BCAM: variants seen among roughly 807,000 people sequenced by gnomAD.
BCAM encodes basal cell adhesion molecule.
In BCAM, 61 loss-of-function variants were observed where a neutral mutation model predicts 72.4. The ratio of observed to expected loss-of-function variants is 0.84; its 90% CI spans 0.69 to 1.04. BCAM has a LOEUF of 1.04. Ranked by LOEUF, BCAM falls within the 50% of genes least tolerant of loss-of-function variation. BCAM has a pLI of 0.00. For synonymous variants in BCAM, 408 were observed against 384.2 expected, an observed-to-expected ratio of 1.06 and a Z score of -0.73; for missense variants, 909 against 895.0, an observed-to-expected ratio of 1.02 and a Z score of -0.20.
chr19:44,813,305 G>T lies in BCAM; in HGVS notation c.560G>T (p.Arg187Leu), dbSNP rs751683701. 6.2e-7 allele frequency: 1 copy of T among 1,614,052 alleles called. No homozygotes were observed. Among genetic ancestry groups the T allele is most frequent in the African/African-American group, 1.3e-5 (1 of 75,054 alleles). Residue 187 changes from arginine (R) to leucine (L), a missense_variant, in exon 5 of 15, where the codon CGC becomes CTC. Transcript: ENST00000270233. This position sits in a 1 kb window ranked among gnomAD's most constrained non-coding sequence, Gnocchi z 4.2. ...CCGGCCCCCAAGATCACGTGGTATC[G>T]CAACGGGCAGCGCCTGGAGGTGCCC... ...GNPAPKITWY[R>L]NGQRLEVPVE...
In BCAM at chr19:44,811,276, G is replaced by A. The variant is rs201126501; in HGVS notation, c.134G>A (p.Arg45Gln). ...LSVPPLVEVM[R>Q]GKSVILDCTP... ...GTACCCCCGCTGGTGGAGGTGATGC[G>A]AGGAAAGTCTGTCATTCTGGACTGC... The change falls in exon 2 of 15, where the codon CGA becomes CAA. Residue 45 changes from arginine (R) to glutamine (Q), a missense_variant. Transcript: ENST00000270233. The A allele has an allele frequency of 2.4e-5, 38 of 1,613,324 alleles. No individual in the cohort carries two copies. In the African/African-American group the frequency reaches 3.2e-4, roughly 14 times the overall value.
rs1426523508 is a variant in BCAM, at chr19:44,814,541, C to T, written c.922-63C>T. On this transcript the variant is annotated intron_variant, in intron 7 of 14. Transcript: ENST00000270233. The surrounding 1 kb of genome is among the most constrained non-coding windows in gnomAD (Gnocchi z 4.6). ...TGACACTAACCTGGTGGCTTCTGAC[C>T]TAGCATGAGCCCGCTGAACCGGGGT... is the stretch of plus-strand genomic sequence containing the variant. The T allele has an allele frequency of 4.4e-6, 7 of 1,575,536 alleles. No homozygotes were observed. In the African/African-American group the frequency reaches 8.1e-5, roughly 18 times the overall value.
chr19:44,816,435 A>C (rs1296361122), intron 8 of BCAM, among the ~76,000 whole-genome samples: 1 of 152,132 alleles, frequency 6.6e-6, no homozygotes, highest in Non-Finnish European at 1.5e-5. Flanking sequence ...CTCTACATCA[A>C]CCAGTCCTCA....
intron 8 of BCAM, among the ~76,000 whole-genome samples, chr19:44,817,149 A>G (rs536039285): frequency 7.3e-4 from 111 of 152,150 alleles, no homozygotes; most frequent in African/African-American, 2.6e-3. Flanking sequence ...AGGCAGGAGA[A>G]TGGCATGAAC....
At position 44,813,675 on chromosome 19, in the gene BCAM, C is replaced by T; in HGVS notation, c.784+55C>T. 6.4e-7 allele frequency: 1 copy of T among 1,573,070 alleles called. No individual in the cohort carries two copies. Among genetic ancestry groups the T allele is most frequent in the Non-Finnish European group, 8.6e-7 (1 of 1,158,384 alleles). On this transcript the variant is annotated intron_variant, in intron 6 of 14. Coordinates refer to ENST00000270233, the MANE Select transcript of BCAM (RefSeq NM_005581.5). The surrounding 1 kb of genome is among the most constrained non-coding windows in gnomAD (Gnocchi z 4.2). ...CCTCAGGCTCCACACCTCATGAGGC[C>T]TGACCCTCCACCCGGGGGCTTCACA...
At position 44,818,697 on chromosome 19, in the gene BCAM, C is replaced by T; in HGVS notation, c.1195-44C>T. Reference sequence around the variant, plus strand: ...TCGCACCCTCCTCTCTCCCCTCACTCCTCGCCCTCTCACAGCGTCCTCCTC... The same window carrying T: ...TCGCACCCTCCTCTCTCCCCTCACTTCTCGCCCTCTCACAGCGTCCTCCTC... On this transcript the variant is annotated intron_variant, in intron 9 of 14. Transcript: ENST00000270233. This position sits in a 1 kb window ranked among gnomAD's most constrained non-coding sequence, Gnocchi z 4.6. 2.5e-6 allele frequency: 4 copies of T among 1,612,792 alleles called. No homozygotes were observed. Among genetic ancestry groups the T allele is most frequent in the Non-Finnish European group, 3.4e-6 (4 of 1,179,060 alleles).
At position 44,812,967 on chromosome 19, in the gene BCAM, G is replaced by A. The variant is rs80186363; in HGVS notation, c.505-283G>A. On this transcript the variant is annotated intron_variant, in intron 4 of 14. Transcript: ENST00000270233. This position sits in a 1 kb window ranked among gnomAD's most constrained non-coding sequence, Gnocchi z 5.3. ...TCCGTCTCAAAAAAAAAAAAAAAAA[G>A]AAGAAGAAAAGAAAAAAGAAAGGAA... 2.7e-3 allele frequency: 881 copies of A among 324,224 alleles called. 6 individuals are homozygous for A. Among genetic ancestry groups the A allele is most frequent in the South Asian group, 9.7e-3 (157 of 16,240 alleles). 20.1% of individuals were successfully genotyped at this position (324,224 alleles called of 1,614,324 possible). A position where few individuals can be genotyped will look rare whatever the true frequency, so the allele number is the denominator to read the frequency against.
intron 2 of BCAM, 164 bp from the exon 3 acceptor site, chr19:44,811,999 G>C (rs1417401393): frequency 5.9e-6 from 4 of 679,080 alleles, no homozygotes; most frequent in Middle Eastern, 3.9e-4. Context: ...AGAACTGATA[G>C]GGAATGGGGG....
rs200516188 is a variant in BCAM, at chr19:44,818,587, G to C, written c.1144G>C (p.Val382Leu). 1 of 1,614,048 alleles carries C rather than the reference G, an allele frequency of 6.2e-7. No individual in the cohort carries two copies. Among genetic ancestry groups the C allele is most frequent in the African/African-American group, 1.3e-5 (1 of 75,014 alleles). Residue 382 changes from valine (V) to leucine (L), a missense_variant, in exon 9 of 15, where the codon GTG (valine) becomes CTG (leucine). Coordinates refer to ENST00000270233, the MANE Select transcript of BCAM (RefSeq NM_005581.5). The surrounding 1 kb of genome is among the most constrained non-coding windows in gnomAD (Gnocchi z 4.6). Reference sequence around the variant, plus strand: ...CTTACCTCTAAACAGCAGTGCAGTCGTGAACTGCTCCGTGCACGGCCTGCC... The same window carrying C: ...CTTACCTCTAAACAGCAGTGCAGTCCTGAACTGCTCCGTGCACGGCCTGCC... ...LSLPLNSSAV[V>L]NCSVHGLPTP...
intron 11 of BCAM, 24 bp from the exon 12 acceptor site, chr19:44,819,322 G>A (rs761156550): frequency 9.9e-6 from 16 of 1,613,736 alleles, no homozygotes; most frequent in East Asian, 6.7e-5. Flanking sequence ...CCCACCAGCC[G>A]GGGCCTGATC....
In BCAM at chr19:44,809,135, CG is replaced by C; in HGVS notation, c.13del (p.Asp5ThrfsTer39). 1 of 1,458,370 alleles carries C rather than the reference CG, an allele frequency of 6.9e-7. No homozygotes were observed. Among genetic ancestry groups the C allele is most frequent in the South Asian group, 1.3e-5 (1 of 76,134 alleles). 90.3% of individuals were successfully genotyped at this position (1,458,370 alleles called of 1,614,324 possible). Reference sequence around the variant, plus strand: ...GCCGCCGCCGTGAACATGGAGCCCCCGGACGCACCGGCCCAGGCGCGCGGGG... The same window carrying C: ...GCCGCCGCCGTGAACATGGAGCCCCCGACGCACCGGCCCAGGCGCGCGGGG... The part of the protein sequence containing the change: MEP[P>X]DAPAQARGAP... On this transcript the variant is annotated frameshift_variant, in exon 1 of 15. Transcript: ENST00000270233. LOFTEE classifies it high-confidence loss of function.
chr19:44,819,602 G>C lies in BCAM; in HGVS notation c.1639G>C (p.Ala547Pro), dbSNP rs1461424274. Reference protein sequence around the residue: ...FGTVSPQTSQAGVAVMAVAVS... With the variant: ...FGTVSPQTSQPGVAVMAVAVS... ...TGCAGTGAGCCCCCAGACCTCCCAG[G>C]CTGGAGTGGCCGTCATGGCCGTGGC... Residue 547 changes from alanine (A) to proline (P), a missense_variant, in exon 13 of 15, where the codon GCT (alanine) becomes CCT (proline). Ala to Pro is a conservative substitution (Grantham distance 27, BLOSUM62 -1). Coordinates refer to ENST00000270233, the MANE Select transcript of BCAM (RefSeq NM_005581.5). 1.5e-5 allele frequency: 25 copies of C among 1,613,414 alleles called. No individual in the cohort carries two copies. Among genetic ancestry groups the C allele is most frequent in the Non-Finnish European group, 2.1e-5 (25 of 1,179,678 alleles).
intron 8 of BCAM, among the ~76,000 whole-genome samples, chr19:44,817,282 A>G (rs915428593): frequency 2.6e-5 from 4 of 152,178 alleles, no homozygotes; most frequent in African/African-American, 9.6e-5. Context: ...CAAAAAGAGC[A>G]CTGCAAGTAG....
intron 2 of BCAM, chr19:44,811,831 GC>G (rs1429609162): frequency 4.4e-5 from 18 of 406,956 alleles, no homozygotes; most frequent in African/African-American, 3.8e-4. Context: ...GTTGCAGTGA[GC>G]CGAGATCGAG....
Position 44,818,429 on chromosome 19 carries a change from T to A in BCAM, c.1079-93T>A, listed in dbSNP as rs192935431. 505 of 851,264 alleles carry A rather than the reference T, an allele frequency of 5.9e-4. 3 individuals are homozygous for A. The African/African-American group carries it at 7.9e-3, about 13-fold the overall frequency. The allele number at this position is 851,264 out of a possible 1,614,324, so 52.7% of individuals were successfully genotyped here. On this transcript the variant is annotated intron_variant, in intron 8 of 14. Transcript: ENST00000270233. This position sits in a 1 kb window ranked among gnomAD's most constrained non-coding sequence, Gnocchi z 4.6. ...ACTTGCTGTTCTCTGCTTCCAACTGTCCATTCATGTTTGCACCCCCGACCG... is the reference window on the plus strand; with the variant it reads ...ACTTGCTGTTCTCTGCTTCCAACTGACCATTCATGTTTGCACCCCCGACCG...
intron 13 of BCAM, 102 bp downstream of exon 13, chr19:44,819,828 C>T: frequency 4.9e-6 from 7 of 1,434,148 alleles, no homozygotes; most frequent in South Asian, 3.0e-5. Flanking sequence ...ATCCTCCACC[C>T]CACATCCCAC....
intron 1 of BCAM, 65 bp from the exon 2 acceptor site, chr19:44,811,160 G>A: frequency 6.2e-7 from 1 of 1,607,324 alleles, no homozygotes; most frequent in Non-Finnish European, 8.5e-7. Flanking sequence ...TGGGGGAGAG[G>A]GGACCCTGTC....
Position 44,818,993 on chromosome 19 carries a change from G to C in BCAM, c.1337-63G>C, listed in dbSNP as rs1213015157. 6.2e-7 allele frequency: 1 copy of C among 1,602,396 alleles called. No individual in the cohort carries two copies. Among genetic ancestry groups the C allele is most frequent in the Non-Finnish European group, 8.5e-7 (1 of 1,172,320 alleles). ...TGGCTGGGGACTCCATCTTCTGCTC[G>C]ATGCCTCTCTTCTCTCTCTCTCTCC... On this transcript the variant is annotated intron_variant, in intron 10 of 14. Coordinates refer to ENST00000270233, the MANE Select transcript of BCAM (RefSeq NM_005581.5). The surrounding 1 kb of genome is among the most constrained non-coding windows in gnomAD (Gnocchi z 4.6).
rs764778841 is a variant in BCAM, at chr19:44,812,439, G to A, written c.434-39G>A. 16 of 1,614,124 alleles carry A rather than the reference G, an allele frequency of 9.9e-6. No homozygotes were observed. The East Asian group carries it at 1.1e-4, about 11-fold the overall frequency. On this transcript the variant is annotated intron_variant, in intron 3 of 14. Transcript: ENST00000270233. The surrounding 1 kb of genome is among the most constrained non-coding windows in gnomAD (Gnocchi z 5.3). ...CGAAGGGAGGCAGGCAGGGAGGGGC[G>A]CAGGGCAGGGGCTCCTGACGTGAAC...
Sources: gnomAD v4.1 joint callset for allele counts (sites outside exome capture counted in the v4.1 genomes callset) on GRCh38, gnomAD v4.1.1 for gene constraint, Gnocchi (gnomAD v3.1) non-coding constraint, MANE v1.5 for transcripts, NCBI Gene and HGNC (gene_info 2026-07-23, HGNC 2026-07-21) for gene names.